STK3: variants seen among roughly 807,000 people sequenced by gnomAD.
STK3 encodes the protein serine/threonine kinase 3.
STK3 carries 41 observed loss-of-function variants against 58.0 expected under a neutral mutation model. The ratio of observed to expected loss-of-function variants is 0.71; its 90% confidence interval spans 0.55 to 0.92. The LOEUF (loss-of-function observed/expected upper bound fraction) is 0.92, where lower values mean the gene tolerates loss of function less well. Ranked by LOEUF, STK3 falls within the 40% of genes least tolerant of loss-of-function variation. The pLI, the probability that STK3 is intolerant of heterozygous loss-of-function variation, is 0.00. For missense variants in STK3, 479 were observed against 602.7 expected (o/e 0.79, Z 2.15); for synonymous variants, 170 against 191.0 (o/e 0.89, Z 0.91).
chr8:98,728,031 C>T (rs1827906354), intron 4 of STK3, among the ~76,000 whole-genome samples: 1 of 152,120 alleles, frequency 6.6e-6, no homozygotes, highest in Non-Finnish European at 1.5e-5. Flanking sequence ...ATTCATCAAG[C>T]TTCATATTCC....
intron 2 of STK3, among the ~76,000 whole-genome samples, chr8:98,434,764 CA>C (rs1779916597): frequency 6.7e-6 from 1 of 150,096 alleles, no homozygotes; most frequent in African/African-American, 2.5e-5. Context: ...TAAGGCCCTA[CA>C]GAAGGAACAG....
chr8:98,583,613 T>TA (rs1805594054), intron 7 of STK3, among the ~76,000 whole-genome samples: 1 of 152,194 alleles, frequency 6.6e-6, no homozygotes, highest in Admixed American at 6.5e-5. Flanking sequence ...TATCTCTTGA[T>TA]AAACAGTTAC....
intron 1 of STK3, among the ~76,000 whole-genome samples, chr8:98,925,060 T>C (rs1298418051): frequency 2.6e-5 from 4 of 152,254 alleles, no homozygotes; most frequent in Admixed American, 2.0e-4. Flanking sequence ...ATGAGAATGA[T>C]GTTAAAGTCC....
intron 1 of STK3, among the ~76,000 whole-genome samples, chr8:98,925,992 A>T (rs1839772431): frequency 6.6e-6 from 1 of 152,206 alleles, no homozygotes; most frequent in Admixed American, 6.5e-5. Flanking sequence ...CATCTTGAGT[A>T]TCAGGATGGA....
At chr8:98,419,975 T>G (rs536474898) in intron 3 of STK3, among the ~76,000 whole-genome samples, 1 of 152,234 alleles carries the variant, frequency 6.6e-6, no homozygotes, top group East Asian at 1.9e-4. Flanking sequence ...AGGATACTGA[T>G]CTTGGAATCA....
chr8:98,848,540 A>G (rs992960748), intron 3 of STK3, among the ~76,000 whole-genome samples: 2 of 152,072 alleles, frequency 1.3e-5, no homozygotes, highest in Non-Finnish European at 2.9e-5. Context: ...TGAGCCACAC[A>G]TCTACTTTCC....
intron 6 of STK3, chr8:98,597,587 C>A: frequency 2.0e-6 from 2 of 985,344 alleles, no homozygotes; most frequent in Non-Finnish European, 2.4e-6. Context: ...TGCCAGTGGA[C>A]CTACTTCGTT....
intron 3 of STK3, among the ~76,000 whole-genome samples, chr8:98,418,805 T>TA (rs2131051786): frequency 6.6e-6 from 1 of 152,244 alleles, no homozygotes; most frequent in Admixed American, 6.5e-5. Context: ...TCTAGACTCT[T>TA]ACATGTTATA....
At chr8:98,790,257 A>C (rs924516056) in intron 1 of STK3, among the ~76,000 whole-genome samples, 17 of 152,222 alleles carry the variant, frequency 1.1e-4, no homozygotes, top group Non-Finnish European at 1.5e-5. Flanking sequence ...CCTGATTAAC[A>C]TATAAGTTAA....
At chr8:98,653,400 C>T (rs889540019) in intron 6 of STK3, among the ~76,000 whole-genome samples, 4 of 152,040 alleles carry the variant, frequency 2.6e-5, no homozygotes, top group Admixed American at 6.6e-5. Context: ...AAAATTGACA[C>T]CCTAATATCA....
chr8:98,649,312 C>A (rs1820681194), intron 6 of STK3, among the ~76,000 whole-genome samples: 1 of 151,882 alleles, frequency 6.6e-6, no homozygotes, highest in South Asian at 2.1e-4. Flanking sequence ...AGTTTGCTGC[C>A]AATGAGATCC....
chr8:98,775,071 A>C (rs1015553104), intron 1 of STK3, among the ~76,000 whole-genome samples: 1 of 152,166 alleles, frequency 6.6e-6, no homozygotes, highest in Non-Finnish European at 1.5e-5. Context: ...ACATATTCTT[A>C]ATTCCTCCCC....
chr8:98,700,668 T>G (rs953421895), intron 6 of STK3, among the ~76,000 whole-genome samples: 1 of 152,212 alleles, frequency 6.6e-6, no homozygotes, highest in Non-Finnish European at 1.5e-5. Context: ...TATTTACACA[T>G]CTTTTTTTAA....
intron 3 of STK3, among the ~76,000 whole-genome samples, chr8:98,861,662 A>T (rs1334687950): frequency 6.6e-6 from 1 of 152,020 alleles, no homozygotes; most frequent in East Asian, 1.9e-4. Context: ...TTATTTGGAT[A>T]TTTAGTCTTC....
At chr8:98,726,513 G>A (rs1170739323) in intron 4 of STK3, among the ~76,000 whole-genome samples, 1 of 152,124 alleles carries the variant, frequency 6.6e-6, no homozygotes, top group African/African-American at 2.4e-5. Context: ...AACTTTAAGA[G>A]GCAAGTGTGA....
chr8:98,801,673 G>A lies in STK3; in HGVS notation c.26+23842C>T, dbSNP rs184197935. Among the ~76,000 whole-genome samples the A allele has an allele frequency of 2.0e-3, 312 of 152,200 alleles. 2 individuals carry two copies. The highest frequency in any genetic ancestry group is 0.01 in the Middle Eastern group (3 of 294). ...CTCCAAACGTGTCCGAACATCAGAG[G>A]GAACAAACTCCGGACACACCATCTT... On this transcript the variant is annotated intron_variant, in intron 1 of 10. Coordinates refer to ENST00000419617, the MANE Select transcript of STK3 (RefSeq NM_006281.4).
At chr8:98,350,978 A>G in the STK3 span, among the ~76,000 whole-genome samples, 1 of 152,262 alleles carries the variant, frequency 6.6e-6, no homozygotes, top group East Asian at 1.9e-4. Flanking sequence ...AAAAAAGAGT[A>G]CGTGGCATGA....
chr8:98,862,805 G>A (rs955212955), intron 3 of STK3, among the ~76,000 whole-genome samples: 7 of 152,336 alleles, frequency 4.6e-5, no homozygotes, highest in South Asian at 2.1e-4. Context: ...GAGGCTCTTA[G>A]TTCTATTAAT....
chr8:98,824,640 G>A (rs1835135354), intron 1 of STK3, among the ~76,000 whole-genome samples: 1 of 152,148 alleles, frequency 6.6e-6, no homozygotes, highest in Non-Finnish European at 1.5e-5. Context: ...ATGGCTTCCA[G>A]GCTTCAAGGC....
Sources: gnomAD v4.1 joint callset for allele counts (sites outside exome capture counted in the v4.1 genomes callset) on GRCh38, gnomAD v4.1.1 for gene constraint, MANE v1.5 for transcripts, NCBI Gene and HGNC (gene_info 2026-07-23, HGNC 2026-07-21) for gene names.